Variants in EIF4G3 observed in about 807,000 individuals in gnomAD.
EIF4G3 encodes eIF-4-gamma 3.
A neutral mutation model predicts 186.4 loss-of-function variants in EIF4G3; 34 were observed. That is an observed-to-expected ratio of 0.18 (90% CI 0.14 to 0.24). The LOEUF (loss-of-function observed/expected upper bound fraction) is 0.24. Ranked by LOEUF, EIF4G3 falls within the 10% of genes least tolerant of loss-of-function variation. The pLI, the probability that EIF4G3 is intolerant of heterozygous loss-of-function variation, is 1.00. For synonymous variants in EIF4G3, 673 were observed against 679.5 expected (o/e 0.99, Z 0.15); for missense variants, 1,536 against 1,948.5 (o/e 0.79, Z 3.99).
intron 5 of EIF4G3, 39 bp downstream of exon 5, chr1:21,002,674 G>A (rs200126503): frequency 3.7e-5 from 59 of 1,606,936 alleles, no homozygotes; most frequent in Non-Finnish European, 9.3e-6. Flanking sequence ...ACAAACACAG[G>A]TAGAGAATGT....
chr1:21,141,377 T>TTGTGTGTGTGTGTGTGTGTG (rs10627733), intron 2 of EIF4G3, among the ~76,000 whole-genome samples: 19 of 145,234 alleles, frequency 1.3e-4, no homozygotes, highest in Admixed American at 2.8e-4. Flanking sequence ...TATTTTTTCT[T>TTGTGTGTGTGTGTGTGTGTG]TGTGTGTGTG....
chr1:21,115,745 TCTCA>T (rs1185632415), intron 2 of EIF4G3, among the ~76,000 whole-genome samples: 1 of 152,098 alleles, frequency 6.6e-6, no homozygotes, highest in Non-Finnish European at 1.5e-5. Flanking sequence ...AGAAACAGAG[TCTCA>T]CTTTGTTGCC....
At chr1:20,854,746 G>T (rs1198382505) in intron 26 of EIF4G3, among the ~76,000 whole-genome samples, 4 of 141,884 alleles carry the variant, frequency 2.8e-5, no homozygotes, top group African/African-American at 8.3e-5. Context: ...AATAAATAAA[G>T]GTCTTAATTA....
intron 19 of EIF4G3, among the ~76,000 whole-genome samples, chr1:20,884,427 A>G (rs1343338094): frequency 6.6e-6 from 1 of 152,226 alleles, no homozygotes; most frequent in Admixed American, 6.5e-5. Context: ...TACAGTAAGA[A>G]TTTAATAAAG....
intron 34 of EIF4G3, among the ~76,000 whole-genome samples, chr1:20,813,515 G>C (rs1329489878): frequency 6.6e-6 from 1 of 151,088 alleles, no homozygotes; most frequent in Non-Finnish European, 1.5e-5. Flanking sequence ...GCTGCAGTAA[G>C]CAATGACTGC....
At chr1:21,071,241 C>A (rs935759159) in intron 3 of EIF4G3, among the ~76,000 whole-genome samples, 104 of 152,242 alleles carry the variant, frequency 6.8e-4, no homozygotes, top group African/African-American at 2.3e-3. Context: ...CCTGTCACTA[C>A]AGAAAATGAA....
chr1:21,105,034 T>C (rs1055287093), intron 2 of EIF4G3, among the ~76,000 whole-genome samples: 3 of 152,168 alleles, frequency 2.0e-5, no homozygotes, highest in Non-Finnish European at 4.4e-5. Context: ...AAGGGAACAA[T>C]AGACAGCAAG....
intron 18 of EIF4G3, among the ~76,000 whole-genome samples, chr1:20,891,771 C>A (rs1454157590): frequency 6.8e-6 from 1 of 147,982 alleles, no homozygotes; most frequent in Middle Eastern, 3.2e-3. Flanking sequence ...GCCTGGGCGA[C>A]AGAGCGACAC....
At chr1:20,863,378 T>TAAAAAAAAAAA (rs3051243) in intron 22 of EIF4G3, among the ~76,000 whole-genome samples, 3 of 102,474 alleles carry the variant, frequency 2.9e-5, no homozygotes, top group South Asian at 2.9e-4. Flanking sequence ...CTACAAAAAG[T>TAAAAAAAAAAA]AAAAAAAAAA....
chr1:20,963,724 C>T (rs146332940), intron 12 of EIF4G3, among the ~76,000 whole-genome samples: 116 of 152,046 alleles, frequency 7.6e-4, no homozygotes, highest in African/African-American at 2.5e-3. Flanking sequence ...GAGGCTGAGG[C>T]GAGCAGATCA....
intron 2 of EIF4G3, among the ~76,000 whole-genome samples, chr1:21,096,976 G>C (rs1379614908): frequency 6.6e-6 from 1 of 152,152 alleles, no homozygotes; most frequent in Non-Finnish European, 1.5e-5. Flanking sequence ...TGGTGGTTAT[G>C]ACTGCATGAT....
chr1:20,936,963 A>T (rs970098518), intron 14 of EIF4G3, among the ~76,000 whole-genome samples: 2 of 152,224 alleles, frequency 1.3e-5, no homozygotes, highest in African/African-American at 4.8e-5. Flanking sequence ...AGCTTACGAG[A>T]ATATAAGGTA....
At chr1:20,981,498 ATACGCACATAC>A (rs879823276) in intron 8 of EIF4G3, among the ~76,000 whole-genome samples, 43,141 of 148,128 alleles carry the variant, frequency 0.29, 9,119 homozygotes, top group Non-Finnish European at 0.38. Context: ...ACATACATGT[ATACGCACATAC>A]TGTATATATA....
chr1:21,167,979 T>A, intron 2 of EIF4G3: 1 of 456,924 alleles, frequency 2.2e-6, no homozygotes, highest in Non-Finnish European at 4.5e-6. Flanking sequence ...GTTTGAACAT[T>A]CCCCTTTGTA....
At chr1:20,939,847 G>GTTTT (rs538504683) in intron 14 of EIF4G3, among the ~76,000 whole-genome samples, 69 of 89,954 alleles carry the variant, frequency 7.7e-4, no homozygotes, top group East Asian at 1.6e-3. Flanking sequence ...AAGTTGTTTA[G>GTTTT]TTTTTTTTTT....
At chr1:21,051,734 C>A (rs755385106) in intron 3 of EIF4G3, among the ~76,000 whole-genome samples, 1 of 151,930 alleles carries the variant, frequency 6.6e-6, no homozygotes, top group African/African-American at 2.4e-5. Flanking sequence ...ATGGTGGCAT[C>A]CACCTGTAGA....
At chr1:21,136,856 G>A (rs889673973) in intron 2 of EIF4G3, among the ~76,000 whole-genome samples, 5 of 152,162 alleles carry the variant, frequency 3.3e-5, no homozygotes, top group Non-Finnish European at 7.3e-5. Context: ...CTCCAGGAAC[G>A]CTGGGCTATT....
At chr1:20,861,130 A>G (rs773360272) in intron 23 of EIF4G3, among the ~76,000 whole-genome samples, 8 of 152,260 alleles carry the variant, frequency 5.3e-5, no homozygotes, top group Admixed American at 2.0e-4. Context: ...AACATCTGAT[A>G]TAAGTGGTTG....
In EIF4G3 at chr1:21,011,654, T is replaced by C. The variant is rs1369555444; in HGVS notation, c.-66-8846A>G. Among the ~76,000 whole-genome samples the C allele has an allele frequency of 2.0e-5, 3 of 152,190 alleles. No homozygotes were observed. In the East Asian group the frequency reaches 5.8e-4, roughly 29 times the overall value. On this transcript the variant is annotated intron_variant, in intron 4 of 36. Coordinates refer to ENST00000602326, the MANE Select transcript of EIF4G3 (RefSeq NM_001391906.1). The stretch of plus-strand genomic sequence containing the variant: ...TGGTATTACCCTACCCTACCTACCC[T>C]ATTAATAGCCACAAATATCTTCCTT...
Sources: gnomAD v4.1 joint callset for allele counts (sites outside exome capture counted in the v4.1 genomes callset) on GRCh38, gnomAD v4.1.1 for gene constraint, MANE v1.5 for transcripts, NCBI Gene and HGNC (gene_info 2026-07-23, HGNC 2026-07-21) for gene names.